Variants in SDCCAG8 observed in about 807,000 individuals in gnomAD.
SDCCAG8 encodes SHH signaling and ciliogenesis regulator SDCCAG8.
In SDCCAG8, 74 loss-of-function variants were observed where a neutral mutation model predicts 101.8. That is an observed-to-expected ratio of 0.73 (90% CI 0.60 to 0.88). SDCCAG8 has a LOEUF of 0.88. Ranked by LOEUF, SDCCAG8 falls within the 40% of genes least tolerant of loss-of-function variation. The pLI is 0.00. For missense variants in SDCCAG8, 787 were observed against 822.6 expected (o/e 0.96, Z 0.53); for synonymous variants, 281 against 292.9 (o/e 0.96, Z 0.41).
intron 16 of SDCCAG8, among the ~76,000 whole-genome samples, chr1:243,487,169 C>T (rs1227033837): frequency 6.6e-6 from 1 of 152,254 alleles, no homozygotes; most frequent in Non-Finnish European, 1.5e-5. Flanking sequence ...ATGGTGGCCG[C>T]CTGCCTGTGT....
At chr1:243,297,382 A>G (rs770898022) in intron 6 of SDCCAG8, among the ~76,000 whole-genome samples, 18 of 152,242 alleles carry the variant, frequency 1.2e-4, no homozygotes, top group Non-Finnish European at 2.2e-4. Flanking sequence ...CAGTGCTGCT[A>G]TGAACATTCT....
intron 10 of SDCCAG8, among the ~76,000 whole-genome samples, chr1:243,339,099 AGTGGG>A (rs540674101): frequency 2.1e-3 from 316 of 149,716 alleles, no homozygotes; most frequent in African/African-American, 7.2e-3. Flanking sequence ...GACCTCAGAA[AGTGGG>A]GTGGGCGGCA....
intron 16 of SDCCAG8, among the ~76,000 whole-genome samples, chr1:243,478,509 G>C (rs1487745152): frequency 6.6e-6 from 1 of 152,158 alleles, no homozygotes; most frequent in Non-Finnish European, 1.5e-5. Flanking sequence ...GGCTAATTAG[G>C]AATCTGAGAG....
rs1471866292 is a variant in SDCCAG8 at position 243,330,580 on chromosome 1, G to A, written c.1109G>A (p.Arg370Lys). ...GACCAGTTGAGGAAGGAGCTGGAGA[G>A]GCAGGCGGAGCGACTTGAAAAAGAA... The part of the protein sequence containing the change: ...QCDQLRKELE[R>K]QAERLEKELA... The change falls in exon 10 of 18, where the codon AGG becomes AAG. Residue 370 changes from arginine to lysine, a missense_variant. Physicochemically the swap from Arg to Lys is conservative, Grantham distance 26. Transcript: ENST00000366541. 3.1e-6 allele frequency: 5 copies of A among 1,614,036 alleles called. No homozygotes were observed. In the South Asian group the frequency reaches 3.3e-5, roughly 11 times the overall value.
chr1:243,476,381 G>C (rs947448912), intron 16 of SDCCAG8: 99 of 984,644 alleles, frequency 1.0e-4, no homozygotes, highest in Non-Finnish European at 1.2e-4. Flanking sequence ...TGTAGTGATT[G>C]AATCTGGTTA....
rs1401910794 is a variant in SDCCAG8 at position 243,373,591 on chromosome 1, C to T, written c.1474-5130C>T. 2.0e-5 allele frequency among the ~76,000 whole-genome samples: 3 copies of T among 152,004 alleles called. No individual in the cohort carries two copies. In the East Asian group the frequency reaches 5.8e-4, roughly 29 times the overall value. On this transcript the variant is annotated intron_variant, in intron 12 of 17. Transcript: ENST00000366541. ...CATGTATTCTTTCTGTGGTCTAAGCCAAAGGGGCAGCGGCTACCCAGTGCA... is the reference window on the plus strand; with the variant it reads ...CATGTATTCTTTCTGTGGTCTAAGCTAAAGGGGCAGCGGCTACCCAGTGCA...
intron 16 of SDCCAG8, among the ~76,000 whole-genome samples, chr1:243,453,127 T>G (rs1440827172): frequency 6.6e-6 from 1 of 152,248 alleles, no homozygotes; most frequent in Non-Finnish European, 1.5e-5. Flanking sequence ...GTTGATGAGA[T>G]ATCATGATGT....
At chr1:243,486,142 G>A (rs1392107179) in intron 16 of SDCCAG8, among the ~76,000 whole-genome samples, 5 of 144,210 alleles carry the variant, frequency 3.5e-5, no homozygotes, top group Non-Finnish European at 6.0e-5. Flanking sequence ...CGGAGGTTGC[G>A]GTGAGCCGAG....
At chr1:243,404,242 GGA>G (rs757226663) in intron 13 of SDCCAG8, among the ~76,000 whole-genome samples, 7 of 152,164 alleles carry the variant, frequency 4.6e-5, no homozygotes, top group Admixed American at 1.3e-4. Flanking sequence ...GCTACCTTGT[GGA>G]AATTAGTTTG....
At chr1:243,285,220 G>A (rs1055168743) in intron 4 of SDCCAG8, among the ~76,000 whole-genome samples, 24 of 152,316 alleles carry the variant, frequency 1.6e-4, no homozygotes, top group Admixed American at 1.4e-3. Context: ...TGAGCTTCCA[G>A]CAAGTCATCA....
intron 13 of SDCCAG8, among the ~76,000 whole-genome samples, chr1:243,391,828 G>C (rs1255437182): frequency 6.6e-6 from 1 of 152,234 alleles, no homozygotes; most frequent in Non-Finnish European, 1.5e-5. Context: ...AATGTGTGCA[G>C]GAGGTGGGGG....
chr1:243,389,675 A>T (rs1214507350), intron 13 of SDCCAG8, among the ~76,000 whole-genome samples: 4 of 152,162 alleles, frequency 2.6e-5, no homozygotes, highest in African/African-American at 9.7e-5. Context: ...AAATATGCTG[A>T]TCATTTACCA....
chr1:243,478,728 G>A (rs1662895797), intron 16 of SDCCAG8, among the ~76,000 whole-genome samples: 1 of 152,156 alleles, frequency 6.6e-6, no homozygotes, highest in Admixed American at 6.5e-5. Flanking sequence ...GGAAGCTGAG[G>A]TGGGCGGATC....
At chr1:243,447,816 T>A (rs769502534) in intron 16 of SDCCAG8, among the ~76,000 whole-genome samples, 1 of 152,176 alleles carries the variant, frequency 6.6e-6, no homozygotes, top group Non-Finnish European at 1.5e-5. Flanking sequence ...TTTGTAAACA[T>A]TTAAAACTTT....
intron 13 of SDCCAG8, among the ~76,000 whole-genome samples, chr1:243,389,533 T>C (rs1453841772): frequency 2.0e-5 from 3 of 152,216 alleles, no homozygotes; most frequent in Admixed American, 1.3e-4. Context: ...TTTATATCAA[T>C]TTTAAATTGT....
At chr1:243,490,663 C>T (rs901287697) in intron 17 of SDCCAG8, among the ~76,000 whole-genome samples, 4 of 152,252 alleles carry the variant, frequency 2.6e-5, no homozygotes, top group Non-Finnish European at 4.4e-5. Context: ...AGGCGGGATG[C>T]CCCACGGGCC....
chr1:243,421,976 A>C (rs756122102), intron 15 of SDCCAG8, among the ~76,000 whole-genome samples: 21 of 152,182 alleles, frequency 1.4e-4, no homozygotes, highest in Non-Finnish European at 2.5e-4. Flanking sequence ...TTGCAGTGCT[A>C]TCTAACACCT....
intron 1 of SDCCAG8, among the ~76,000 whole-genome samples, chr1:243,261,756 T>G (rs577245661): frequency 1.3e-5 from 2 of 152,300 alleles, no homozygotes; most frequent in African/African-American, 4.8e-5. Context: ...ATATGCACTA[T>G]ATAGGAATAT....
In SDCCAG8 at chr1:243,372,897, CATATCTATATCTATATCT is replaced by C. The variant is rs71981276; in HGVS notation, c.1474-5785_1474-5768del. Among the ~76,000 whole-genome samples the C allele has an allele frequency of 2.6e-3, 364 of 138,508 alleles. 1 individual carries two copies. Among genetic ancestry groups the C allele is most frequent in the African/African-American group, 7.5e-3 (284 of 37,764 alleles). The allele number at this position is 138,508 out of a possible 152,430, so 90.9% of individuals were successfully genotyped here. On this transcript the variant is annotated intron_variant, in intron 12 of 17. Coordinates refer to ENST00000366541, the MANE Select transcript of SDCCAG8 (RefSeq NM_006642.5). ...CCTGTAGTCCCAGCTACTTGGGAAC[CATATCTATATCTATATCT>C]ATATCTATATCTATATCTATATCTA... is the stretch of plus-strand genomic sequence containing the variant.
Sources: gnomAD v4.1 joint callset for allele counts (sites outside exome capture counted in the v4.1 genomes callset) on GRCh38, gnomAD v4.1.1 for gene constraint, MANE v1.5 for transcripts, NCBI Gene and HGNC (gene_info 2026-07-23, HGNC 2026-07-21) for gene names.